TAF5L: variants seen among roughly 807,000 people sequenced by gnomAD.
The protein encoded by TAF5L is TAF5-like RNA polymerase II p300/CBP-associated factor-associated factor 65 kDa subunit 5L.
TAF5L carries 7 observed loss-of-function variants against 51.3 expected under a neutral mutation model. The observed-to-expected ratio is 0.14, with a 90% CI of 0.08 to 0.26. The LOEUF (loss-of-function observed/expected upper bound fraction) is 0.26, where lower values mean the gene tolerates loss of function less well. Among genes scored for constraint, TAF5L ranks in the 10% least tolerant of loss-of-function variants. The probability of loss-of-function intolerance (pLI) is 1.00; values close to 1 mark genes in which losing one functional copy is unlikely to be tolerated. For synonymous variants in TAF5L, 291 were observed against 308.1 expected (o/e 0.94, Z 0.58); for missense variants, 575 against 758.9 (o/e 0.76, Z 2.85).
rs1664644862 is a variant in TAF5L, at chr1:229,607,638, CTA to C, written c.247+2466_247+2467del. The C allele has an allele frequency of 1.4e-5, 3 of 221,300 alleles. No homozygotes were observed. The Admixed American group carries it at 2.0e-4, about 14-fold the overall frequency. 13.7% of individuals were successfully genotyped at this position (221,300 alleles called of 1,614,324 possible). On this transcript the variant is annotated intron_variant, in intron 3 of 4. Coordinates refer to ENST00000258281, the Ensembl canonical transcript of TAF5L. ...TCTCCTTTCATTCTGAATGCAATTC[CTA>C]TATGATTCAGCAATTGATCTCATGC...
exon 2 of TAF5L, chr1:229,614,349 T>C: frequency 5.0e-6 from 8 of 1,614,246 alleles, no homozygotes; most frequent in South Asian, 1.1e-5. Flanking sequence ...ACCTGTTAGA[T>C]TGGCCGCCAT....
At chr1:229,601,777 G>A (rs765185005) in intron 4 of TAF5L, 111 of 1,014,610 alleles carry the variant, frequency 1.1e-4, no homozygotes, top group Non-Finnish European at 1.3e-4. Flanking sequence ...ACCTTCTGTG[G>A]GGAAAATAAT....
In TAF5L at chr1:229,607,266, A is replaced by C. The variant is rs576504882; in HGVS notation, c.247+2840T>G. 7.1e-6 allele frequency: 7 copies of C among 985,384 alleles called. No homozygotes were observed. The African/African-American group carries it at 1.2e-4, about 17-fold the overall frequency. The allele number at this position is 985,384 out of a possible 1,614,324, so 61.0% of individuals were successfully genotyped here. A position where few individuals can be genotyped will look rare whatever the true frequency, so the allele number is the denominator to read the frequency against. On this transcript the variant is annotated intron_variant, in intron 3 of 4. Coordinates refer to ENST00000258281, the Ensembl canonical transcript of TAF5L. ...AATAAAGCTCCTGCCTTCCAGTTCC[A>C]CAATGCTGTCAAATTCTGGTCCTTT... is the stretch of plus-strand genomic sequence containing the variant.
chr1:229,606,479 A>G, intron 3 of TAF5L: 1 of 985,388 alleles, frequency 1.0e-6, no homozygotes. Flanking sequence ...GAGTTCATGG[A>G]AATTAGTAGT....
At chr1:229,598,248 G>A (rs1664204280) in intron 4 of TAF5L, among the ~76,000 whole-genome samples, 1 of 152,132 alleles carries the variant, frequency 6.6e-6, no homozygotes, top group African/African-American at 2.4e-5. Flanking sequence ...CTTACATGCT[G>A]AAATAATTTG....
chr1:229,601,257 CTTATCA>C (rs1483560254), intron 4 of TAF5L: 5 of 985,150 alleles, frequency 5.1e-6, no homozygotes, highest in Admixed American at 6.2e-5. Flanking sequence ...TCTTGACATC[CTTATCA>C]TTAACTGTAA....
intron 3 of TAF5L, chr1:229,606,623 T>A: frequency 1.0e-6 from 1 of 985,458 alleles, no homozygotes; most frequent in Non-Finnish European, 1.2e-6. Flanking sequence ...GGTCCTGTCG[T>A]CACTCCCTTT....
chr1:229,602,833 G>T lies in TAF5L; in HGVS notation c.334C>A (p.Pro112Thr), dbSNP rs1571836137. Residue 112 changes from proline (P) to threonine (T), a missense_variant, in exon 4 of 5, where the codon CCG becomes ACG. Pro to Thr is a conservative substitution (Grantham distance 38). This residue lies in a region of TAF5L where 380 missense variants were observed against 443.7 expected (regional missense o/e 0.86). Transcript: ENST00000258281. This position sits in a 1 kb window ranked among gnomAD's most constrained non-coding sequence, Gnocchi z 4.6. ...TAAAAACTTTCCACTGTGCTCTTCG[G>T]ACTGTTTTGGACCAGGTTGAGATGG... 6.2e-7 allele frequency: 1 copy of T among 1,612,564 alleles called. No individual in the cohort carries two copies. The highest frequency in any genetic ancestry group is 1.3e-5 in the African/African-American group (1 of 75,044).
chr1:229,625,834 G>T lies in TAF5L; in HGVS notation c.-4+51C>A, dbSNP rs1235190540. On this transcript the variant is annotated intron_variant, in intron 1 of 4. Coordinates refer to ENST00000258281, the Ensembl canonical transcript of TAF5L. The surrounding 1 kb of genome is among the most constrained non-coding windows in gnomAD (Gnocchi z 4.0). ...CCGGCCCCCGCCCGCCCGCGCGCGCGCGCGCCTCGCGACCCTCCCGGCCCT... is the reference window on the plus strand; with the variant it reads ...CCGGCCCCCGCCCGCCCGCGCGCGCTCGCGCCTCGCGACCCTCCCGGCCCT... 1.6e-5 allele frequency: 2 copies of T among 126,658 alleles called. No individual in the cohort carries two copies. Among genetic ancestry groups the T allele is most frequent in the Admixed American group, 1.6e-4 (2 of 12,766 alleles). The allele number at this position is 126,658 out of a possible 1,614,324, so 7.8% of individuals were successfully genotyped here. A position where few individuals can be genotyped will look rare whatever the true frequency, so the allele number is the denominator to read the frequency against.
intron 3 of TAF5L, among the ~76,000 whole-genome samples, chr1:229,608,496 C>A (rs945392619): frequency 6.6e-6 from 1 of 151,988 alleles, no homozygotes; most frequent in Non-Finnish European, 1.5e-5. Flanking sequence ...AAAAGAAAAA[C>A]CGAATTTATA....
intron 4 of TAF5L, chr1:229,599,281 T>TC: frequency 1.2e-6 from 1 of 808,548 alleles, no homozygotes; most frequent in Non-Finnish European, 1.5e-6. Context: ...TCCTGTTTTT[T>TC]TTTTTAAACT....
intron 2 of TAF5L, 69 bp from the exon 3 acceptor site, chr1:229,610,279 G>C: frequency 4.2e-6 from 6 of 1,434,486 alleles, no homozygotes; most frequent in Non-Finnish European, 5.9e-6. Flanking sequence ...GTACGTGGCA[G>C]GATGGGTGAA....
At chr1:229,618,796 G>C (rs1665099466) in intron 1 of TAF5L, among the ~76,000 whole-genome samples, 1 of 152,052 alleles carries the variant, frequency 6.6e-6, no homozygotes, top group African/African-American at 2.4e-5. Flanking sequence ...CGGTAGAGGA[G>C]GGCTGGGAGG....
chr1:229,609,769 C>A (rs979182161), intron 3 of TAF5L, among the ~76,000 whole-genome samples: 3 of 151,874 alleles, frequency 2.0e-5, no homozygotes, highest in Non-Finnish European at 4.4e-5. Context: ...CAATACAAGT[C>A]ACAAGTCACT....
At chr1:229,617,012 G>A (rs1665027869) in intron 1 of TAF5L, among the ~76,000 whole-genome samples, 1 of 152,152 alleles carries the variant, frequency 6.6e-6, no homozygotes, top group Non-Finnish European at 1.5e-5. Flanking sequence ...TTCTCACTAT[G>A]AAATTTACCT....
At chr1:229,597,534 A>T (rs554031898) in intron 4 of TAF5L, among the ~76,000 whole-genome samples, 29 of 152,278 alleles carry the variant, frequency 1.9e-4, no homozygotes, top group African/African-American at 7.0e-4. Flanking sequence ...GTGTGGCTCA[A>T]CCAGTCCCAC....
chr1:229,595,379 A>G (rs1044049445), intron 4 of TAF5L, among the ~76,000 whole-genome samples: 11 of 152,236 alleles, frequency 7.2e-5, no homozygotes, highest in African/African-American at 2.4e-4. Context: ...GCCATTACAG[A>G]GTAATGACTG....
chr1:229,616,110 G>A (rs1664992619), intron 1 of TAF5L, among the ~76,000 whole-genome samples: 1 of 152,060 alleles, frequency 6.6e-6, no homozygotes, highest in African/African-American at 2.4e-5. Context: ...CACCTCCTGG[G>A]TTCAAGTGAT....
At chr1:229,601,781 AAAT>A (rs1383131314) in intron 4 of TAF5L, 1 of 1,015,056 alleles carries the variant, frequency 9.9e-7, no homozygotes, top group Non-Finnish European at 1.2e-6. Flanking sequence ...TCTGTGGGGA[AAAT>A]AATATTCATT....
Sources: gnomAD v4.1 joint callset for allele counts (sites outside exome capture counted in the v4.1 genomes callset) on GRCh38, gnomAD v4.1.1 for gene constraint, gnomAD v4.1.1 regional missense constraint, Gnocchi (gnomAD v3.1) non-coding constraint, MANE v1.5 for transcripts, NCBI Gene and HGNC (gene_info 2026-07-23, HGNC 2026-07-21) for gene names.